The following SPG11 variants were observed in gnomAD, a reference collection of about 807,000 sequenced individuals.
The protein encoded by SPG11 is spatacsin.
SPG11 carries 222 observed loss-of-function variants against 274.0 expected under a neutral mutation model. The ratio of observed to expected loss-of-function variants is 0.81; its 90% CI spans 0.73 to 0.91. The LOEUF is 0.91. SPG11 is among the 40% of genes least tolerant of loss of function. The pLI, the probability that SPG11 is intolerant of heterozygous loss-of-function variation, is 0.00. For missense variants in SPG11, 3,114 were observed against 2,872.7 expected (o/e 1.08, Z -1.92); for synonymous variants, 1,144 against 1,039.7 (o/e 1.10, Z -1.93).
intron 38 of SPG11, among the ~76,000 whole-genome samples, 175 bp from the exon 39 acceptor site, chr15:44,564,873 C>T (rs1264277537): frequency 6.6e-6 from 1 of 152,140 alleles, no homozygotes; most frequent in Admixed American, 6.5e-5. Flanking sequence ...GTGTGTTTGG[C>T]ATTTTCCCTC....
At chr15:44,604,931 C>CAAAAAAAAAAAAAAAAA (rs908048525) in intron 20 of SPG11, among the ~76,000 whole-genome samples, 2 of 22,496 alleles carry the variant, frequency 8.9e-5, no homozygotes, top group African/African-American at 3.9e-4. Flanking sequence ...ACTCCATCTC[C>CAAAAAAAAAAAAAAAAA]AAAAAAAAAA....
chr15:44,654,709 G>A (rs1051662020), intron 4 of SPG11, among the ~76,000 whole-genome samples: 5 of 151,940 alleles, frequency 3.3e-5, no homozygotes, highest in African/African-American at 1.2e-4. Context: ...GGCGTGGGTG[G>A]TGGGTAATCC....
intron 33 of SPG11, among the ~76,000 whole-genome samples, chr15:44,571,205 G>T (rs7170216): frequency 6.6e-6 from 1 of 152,186 alleles, no homozygotes; most frequent in African/African-American, 2.4e-5. Context: ...AAAACATGCT[G>T]TAGCCTCTGG....
intron 7 of SPG11, among the ~76,000 whole-genome samples, chr15:44,647,830 T>C (rs546705014): frequency 4.6e-5 from 7 of 152,226 alleles, no homozygotes; most frequent in Non-Finnish European, 8.8e-5. Flanking sequence ...GAATTAGTGG[T>C]GATGGCTGCA....
At chr15:44,590,180 G>A (rs543559586) in intron 27 of SPG11, among the ~76,000 whole-genome samples, 18 of 152,322 alleles carry the variant, frequency 1.2e-4, no homozygotes, top group South Asian at 8.3e-4. Flanking sequence ...TATAAAAACC[G>A]CTTAGAAAGA....
intron 6 of SPG11, 23 bp from the exon 7 acceptor site, chr15:44,649,034 C>T: frequency 1.3e-6 from 2 of 1,594,182 alleles, no homozygotes; most frequent in Non-Finnish European, 1.7e-6. Context: ...TAAAAGTTAG[C>T]TTTAACAAAT....
At chr15:44,663,190 T>C (rs1595944316) in intron 1 of SPG11, among the ~76,000 whole-genome samples, 1 of 152,228 alleles carries the variant, frequency 6.6e-6, no homozygotes, top group South Asian at 2.1e-4. Flanking sequence ...GCTGCCAGAA[T>C]GCAACGAGGC....
intron 20 of SPG11, chr15:44,604,225 C>G (rs777487437): frequency 1.8e-5 from 7 of 397,950 alleles, no homozygotes; most frequent in South Asian, 1.3e-4. Flanking sequence ...GCTTGAAGAC[C>G]CTGGAGGTAT....
At chr15:44,624,002 C>G (rs937008822) in intron 11 of SPG11, among the ~76,000 whole-genome samples, 4 of 152,090 alleles carry the variant, frequency 2.6e-5, no homozygotes, top group Non-Finnish European at 4.4e-5. Flanking sequence ...CAAAAGTGAT[C>G]TGCCCATCTC....
At chr15:44,611,809 CTTTTTTTTT>C (rs71111871) in intron 17 of SPG11, among the ~76,000 whole-genome samples, 2 of 119,516 alleles carry the variant, frequency 1.7e-5, no homozygotes, top group African/African-American at 6.3e-5. Flanking sequence ...TGGTCACTGT[CTTTTTTTTT>C]TTTTTTTTTT....
At chr15:44,638,952 C>T (rs2084361046) in intron 7 of SPG11, among the ~76,000 whole-genome samples, 1 of 151,344 alleles carries the variant, frequency 6.6e-6, no homozygotes, top group South Asian at 2.1e-4. Context: ...GCCAAGATTG[C>T]GCCACTATAC....
intron 38 of SPG11, among the ~76,000 whole-genome samples, 171 bp downstream of exon 38, chr15:44,565,683 T>G (rs2082292718): frequency 6.6e-6 from 1 of 152,140 alleles, no homozygotes; most frequent in Non-Finnish European, 1.5e-5. Context: ...AACAATATAC[T>G]AGAGAGAAAT....
chr15:44,661,892 G>A (rs1179935341), intron 1 of SPG11, among the ~76,000 whole-genome samples: 2 of 152,140 alleles, frequency 1.3e-5, no homozygotes, highest in East Asian at 3.8e-4. Context: ...AACCTATGAA[G>A]TATTTTAACT....
chr15:44,629,299 G>T lies in SPG11; in HGVS notation c.1825C>A (p.Gln609Lys). Residue 609 changes from glutamine to lysine, a missense_variant, in exon 9 of 40, where the codon CAA (glutamine) becomes AAA (lysine). By Grantham distance (53) the Gln-to-Lys change is moderately conservative. Coordinates refer to ENST00000261866, the MANE Select transcript of SPG11 (RefSeq NM_025137.4). ...AAAGACAGTGTAAGATTAAGCAATT[G>T]TTCTGAAAAGTGTTTGCTTTGGGGT... ...SEPQSKHFSE[Q>K]LLNLTLSFLN... The T allele has an allele frequency of 6.2e-7, 1 of 1,613,984 alleles. No homozygotes were observed. The highest frequency in any genetic ancestry group is 2.2e-5 in the East Asian group (1 of 44,874).
In SPG11 at chr15:44,600,648, A is replaced by G; in HGVS notation, c.3521-16T>C. On this transcript the variant is annotated splice_polypyrimidine_tract_variant and intron_variant, in intron 20 of 39. Coordinates refer to ENST00000261866, the MANE Select transcript of SPG11 (RefSeq NM_025137.4). ...CTCCATGCATCTAGGGGGAAAGTAA[A>G]ACAATATTAATTATCTGTATATCAC... 5 of 1,611,826 alleles carry G rather than the reference A, an allele frequency of 3.1e-6. No homozygotes were observed. The highest frequency in any genetic ancestry group is 4.2e-6 in the Non-Finnish European group (5 of 1,178,178).
chr15:44,622,478 C>T, intron 12 of SPG11, 131 bp from the exon 13 acceptor site: 1 of 819,788 alleles, frequency 1.2e-6, no homozygotes, highest in East Asian at 2.7e-5. Context: ...AGATAATATG[C>T]CATTCAAGAA....
intron 30 of SPG11, among the ~76,000 whole-genome samples, chr15:44,577,519 A>AC (rs35550301): frequency 6.0e-5 from 9 of 150,416 alleles, no homozygotes; most frequent in Admixed American, 2.7e-4. Flanking sequence ...AAAAAAAAAA[A>AC]CAAAACAAAA....
At chr15:44,659,923 T>C (rs1035707061) in intron 2 of SPG11, among the ~76,000 whole-genome samples, 9 of 152,256 alleles carry the variant, frequency 5.9e-5, no homozygotes, top group Non-Finnish European at 1.2e-4. Flanking sequence ...TAGCTGGGCG[T>C]GGCGGCGGGC....
At chr15:44,587,706 A>AAC (rs1555449458) in intron 28 of SPG11, among the ~76,000 whole-genome samples, 4 of 150,892 alleles carry the variant, frequency 2.7e-5, no homozygotes, top group African/African-American at 9.8e-5. Context: ...AAAAAAAAAA[A>AAC]AAAAAAAAAA....
Sources: allele counts gnomAD v4.1 joint callset (sites outside exome capture counted in the v4.1 genomes callset), GRCh38; gene constraint gnomAD v4.1.1; transcripts MANE v1.5; gene names NCBI Gene and HGNC (gene_info 2026-07-23, HGNC 2026-07-21).